The following VWA8 variants were observed in gnomAD, a reference collection of about 807,000 sequenced individuals.
The protein encoded by VWA8 is von Willebrand factor A domain-containing protein 8.
A neutral mutation model predicts 241.5 loss-of-function variants in VWA8; 221 were observed. The observed-to-expected ratio is 0.91, with a 90% CI of 0.82 to 1.02. The LOEUF (loss-of-function observed/expected upper bound fraction) is 1.02, where lower values mean the gene tolerates loss of function less well. VWA8 is among the 50% of genes least tolerant of loss of function. The pLI, the probability that VWA8 is intolerant of heterozygous loss-of-function variation, is 0.00. For missense variants in VWA8, 2,322 were observed against 2,328.7 expected, an observed-to-expected ratio of 1.00 and a Z score of 0.06; for synonymous variants, 852 against 827.1, an observed-to-expected ratio of 1.03 and a Z score of -0.52.
chr13:41,639,609 T>A (rs1157920557), intron 37 of VWA8, among the ~76,000 whole-genome samples: 2 of 152,232 alleles, frequency 1.3e-5, no homozygotes, highest in African/African-American at 4.8e-5. Flanking sequence ...ATAAATCTTA[T>A]GTCAAAGAAG....
chr13:41,853,937 G>A (rs111886427), intron 12 of VWA8, among the ~76,000 whole-genome samples: 1 of 152,146 alleles, frequency 6.6e-6, no homozygotes. Context: ...AACGATAGGA[G>A]AGACAAATTG....
At chr13:41,877,777 A>G (rs1384213214) in intron 9 of VWA8, among the ~76,000 whole-genome samples, 3 of 152,146 alleles carry the variant, frequency 2.0e-5, no homozygotes, top group Non-Finnish European at 2.9e-5. Context: ...ATTTGTTACT[A>G]AACTGTAAGA....
At chr13:41,711,330 GT>G (rs753520636) in intron 26 of VWA8, among the ~76,000 whole-genome samples, 1 of 152,078 alleles carries the variant, frequency 6.6e-6, no homozygotes, top group African/African-American at 2.4e-5. Flanking sequence ...CCCCAAAAAG[GT>G]TTGTCCAGAT....
At chr13:41,924,257 A>G (rs1876717188) in intron 2 of VWA8, among the ~76,000 whole-genome samples, 1 of 152,114 alleles carries the variant, frequency 6.6e-6, no homozygotes, top group Non-Finnish European at 1.5e-5. Context: ...AATGCAGTCA[A>G]TGAAATAAAA....
intron 33 of VWA8, 41 bp from the exon 34 acceptor site, chr13:41,689,549 G>A (rs2045161679): frequency 3.4e-6 from 5 of 1,460,510 alleles, no homozygotes; most frequent in Non-Finnish European, 4.5e-6. Flanking sequence ...CTCCTGAAAT[G>A]CTCCAGGAAT....
intron 4 of VWA8, among the ~76,000 whole-genome samples, chr13:41,906,759 T>G (rs1875739224): frequency 6.6e-6 from 1 of 152,188 alleles, no homozygotes; most frequent in Admixed American, 6.5e-5. Context: ...TTTCTTTTGA[T>G]AAATATTGCC....
Position 41,697,246 on chromosome 13 carries a change from G to A in VWA8, c.3564+1825C>T, listed in dbSNP as rs555637919. On this transcript the variant is annotated intron_variant, in intron 29 of 44. Coordinates refer to ENST00000379310, the MANE Select transcript of VWA8 (RefSeq NM_015058.2). ...ATATCTAGAATCTGTCATTGCTTAT[G>A]AGCCCCATCCTCCTCCAAACCACCA... 5.3e-5 allele frequency among the ~76,000 whole-genome samples: 8 copies of A among 152,296 alleles called. No homozygotes were observed. The East Asian group carries it at 1.4e-3, about 26-fold the overall frequency.
chr13:41,939,088 T>C (rs1174077688), intron 2 of VWA8, among the ~76,000 whole-genome samples: 1 of 152,194 alleles, frequency 6.6e-6, no homozygotes, highest in African/African-American at 2.4e-5. Flanking sequence ...ATTGCTTGGA[T>C]AAGAGTTCAG....
intron 29 of VWA8, 58 bp downstream of exon 29, chr13:41,699,013 T>C (rs770714240): frequency 3.6e-5 from 58 of 1,605,078 alleles, no homozygotes; most frequent in Non-Finnish European, 4.9e-5. Flanking sequence ...AGGTTTCTAA[T>C]CACTCTTGCC....
chr13:41,798,568 G>A (rs565575884), intron 17 of VWA8, among the ~76,000 whole-genome samples: 2 of 152,068 alleles, frequency 1.3e-5, no homozygotes, highest in South Asian at 4.2e-4. Context: ...TTTTCTCTTT[G>A]TCTTTAATGC....
intron 12 of VWA8, among the ~76,000 whole-genome samples, chr13:41,844,457 T>A (rs1337534149): frequency 6.6e-6 from 1 of 152,042 alleles, no homozygotes; most frequent in Non-Finnish European, 1.5e-5. Context: ...CTCTCATAAC[T>A]CCTATGCAAC....
chr13:41,637,122 T>C (rs1354797204), intron 37 of VWA8, among the ~76,000 whole-genome samples: 1 of 151,482 alleles, frequency 6.6e-6, no homozygotes, highest in Non-Finnish European at 1.5e-5. Context: ...ACAGGTATGT[T>C]TATTGCGGCA....
rs1593883048 is a variant in VWA8, at chr13:41,937,012, T to C, written c.241+12924A>G. Among the ~76,000 whole-genome samples the C allele has an allele frequency of 2.0e-5, 3 of 152,310 alleles. No homozygotes were observed. In the South Asian group the frequency reaches 6.2e-4, roughly 32 times the overall value. On this transcript the variant is annotated intron_variant, in intron 2 of 44. Coordinates refer to ENST00000379310, the MANE Select transcript of VWA8 (RefSeq NM_015058.2). ...TGTAGTTAATGCATTACCTTTTCAA[T>C]GTTTCAATACACAAACACTTACCAT...
intron 17 of VWA8, among the ~76,000 whole-genome samples, chr13:41,806,027 T>C (rs1870190765): frequency 6.7e-6 from 1 of 148,830 alleles, no homozygotes; most frequent in Non-Finnish European, 1.5e-5. Flanking sequence ...AGAAATGATG[T>C]CAAGTATCTT....
rs764849316 is a variant in VWA8, at chr13:41,868,507, T to C, written c.1081-30A>G. ...AAAATTACAAGAAAATCATGCAATTTACTTTTCATTTTAGCATTAACATTG... is the reference window on the plus strand; with the variant it reads ...AAAATTACAAGAAAATCATGCAATTCACTTTTCATTTTAGCATTAACATTG... On this transcript the variant is annotated intron_variant, in intron 9 of 44. Coordinates refer to ENST00000379310, the MANE Select transcript of VWA8 (RefSeq NM_015058.2). 2.5e-6 allele frequency: 4 copies of C among 1,600,024 alleles called. No individual in the cohort carries two copies. In the Admixed American group the frequency reaches 6.9e-5, roughly 28 times the overall value.
At chr13:41,593,203 T>C (rs1169004191) in intron 40 of VWA8, among the ~76,000 whole-genome samples, 1 of 152,196 alleles carries the variant, frequency 6.6e-6, no homozygotes, top group African/African-American at 2.4e-5. Context: ...CCTGATACCC[T>C]TGCTGGAAAC....
At chr13:41,715,647 A>C (rs557011608) in intron 26 of VWA8, among the ~76,000 whole-genome samples, 1 of 152,162 alleles carries the variant, frequency 6.6e-6, no homozygotes, top group East Asian at 1.9e-4. Flanking sequence ...GTCTATACTG[A>C]AGTATAGCAG....
Position 41,808,837 on chromosome 13 carries a change from G to A in VWA8, c.2063+2388C>T, listed in dbSNP as rs1870340579. Among the ~76,000 whole-genome samples the A allele has an allele frequency of 3.4e-5, 5 of 146,740 alleles. No individual in the cohort carries two copies. In the South Asian group the frequency reaches 1.1e-3, roughly 33 times the overall value. ...CATTATCCTTGTTTGCAGATGATAT[G>A]AGCTTATACTTGAAAAAAAAACCTA... On this transcript the variant is annotated intron_variant, in intron 17 of 44. Coordinates refer to ENST00000379310, the MANE Select transcript of VWA8 (RefSeq NM_015058.2).
intron 2 of VWA8, among the ~76,000 whole-genome samples, chr13:41,940,652 T>C (rs1877555909): frequency 6.6e-6 from 1 of 152,218 alleles, no homozygotes. Context: ...GTCTAATCAA[T>C]ATGTAGCAAC....
Sources: allele counts gnomAD v4.1 joint callset (sites outside exome capture counted in the v4.1 genomes callset), GRCh38; gene constraint gnomAD v4.1.1; transcripts MANE v1.5; gene names NCBI Gene and HGNC (gene_info 2026-07-23, HGNC 2026-07-21).